AGAP1: variants seen among roughly 807,000 people sequenced by gnomAD.
AGAP1 encodes the protein ArfGAP with GTPase domain, ankyrin repeat and PH domain 1, also known as arf-GAP with GTPase, ANK repeat and PH domain-containing protein 1.
A neutral mutation model predicts 105.3 loss-of-function variants in AGAP1; 29 were observed. The ratio of observed to expected loss-of-function variants is 0.28; its 90% CI spans 0.21 to 0.38. AGAP1 has a LOEUF of 0.38. Among genes scored for constraint, AGAP1 ranks in the 10% least tolerant of loss-of-function variants. The probability of loss-of-function intolerance (pLI) is 1.00; values close to 1 mark genes in which losing one functional copy is unlikely to be tolerated. For missense variants in AGAP1, 998 were observed against 1,165.1 expected (o/e 0.86, Z 2.09); for synonymous variants, 509 against 485.9 (o/e 1.05, Z -0.63).
Position 235,620,060 on chromosome 2 carries a change from A to G in AGAP1, c.164-89119A>G, listed in dbSNP as rs1161952104. ...TGCTGCCTTCCTGGGCCTCTGCAGC[A>G]CCTGCCCTCGGCCCCCAGGGACCTT... is the stretch of plus-strand genomic sequence containing the variant. On this transcript the variant is annotated intron_variant, in intron 1 of 17. Transcript: ENST00000304032. The surrounding 1 kb of genome is among the most constrained non-coding windows in gnomAD (Gnocchi z 4.5). Among the ~76,000 whole-genome samples the G allele has an allele frequency of 2.6e-5, 4 of 152,156 alleles. No individual in the cohort carries two copies. The highest frequency in any genetic ancestry group is 4.4e-5 in the Non-Finnish European group (3 of 67,996).
At chr2:235,570,433 G>C (rs1282755487) in intron 1 of AGAP1, among the ~76,000 whole-genome samples, 4 of 152,226 alleles carry the variant, frequency 2.6e-5, no homozygotes, top group Non-Finnish European at 5.9e-5. Context: ...ATGTGTGAGA[G>C]AGTCCTGCTT....
chr2:236,071,974 G>A (rs1190292008), intron 16 of AGAP1, among the ~76,000 whole-genome samples: 3 of 152,162 alleles, frequency 2.0e-5, no homozygotes, highest in Non-Finnish European at 4.4e-5. Context: ...AAAGACACCG[G>A]ATGACTCTCC....
At chr2:235,583,545 C>G (rs1490130142) in intron 1 of AGAP1, among the ~76,000 whole-genome samples, 1 of 149,962 alleles carries the variant, frequency 6.7e-6, no homozygotes, top group East Asian at 2.0e-4. Context: ...CACCACCATA[C>G]CTGGCTAATT....
rs1307124819 is a variant in AGAP1, at chr2:236,113,809, C to G, written c.2115-6383C>G. ...CAACCTACCCAGTGATTCCTATGTC[C>G]TGTGCTCAGTGCCTGGCTGTCCCTG... On this transcript the variant is annotated intron_variant, in intron 16 of 17. Coordinates refer to ENST00000304032, the MANE Select transcript of AGAP1 (RefSeq NM_001037131.3). This position sits in a 1 kb window ranked among gnomAD's most constrained non-coding sequence, Gnocchi z 4.3. Among the ~76,000 whole-genome samples, 1 of 152,206 alleles carries G rather than the reference C, an allele frequency of 6.6e-6. No homozygotes were observed. The highest frequency in any genetic ancestry group is 1.5e-5 in the Non-Finnish European group (1 of 68,044).
rs1206691010 is a variant in AGAP1 at position 235,642,442 on chromosome 2, G to A, written c.164-66737G>A. 5.9e-5 allele frequency among the ~76,000 whole-genome samples: 9 copies of A among 152,074 alleles called. No homozygotes were observed. In the East Asian group the frequency reaches 1.7e-3, roughly 29 times the overall value. On this transcript the variant is annotated intron_variant, in intron 1 of 17. Transcript: ENST00000304032. This position sits in a 1 kb window ranked among gnomAD's most constrained non-coding sequence, Gnocchi z 4.1. ...GACTGTCCCCAGTAGGTCTATGAGA[G>A]CCCACCACAGCAGCAGCCCTCTGGA...
At position 236,040,611 on chromosome 2, in the gene AGAP1, C is replaced by A; in HGVS notation, c.1801-140C>A. ...CAGTTATGCTCTTTCCCAAAGACATCAAAACAAGAGTGATTGTTTAGAAAT... is the reference window on the plus strand; with the variant it reads ...CAGTTATGCTCTTTCCCAAAGACATAAAAACAAGAGTGATTGTTTAGAAAT... On this transcript the variant is annotated intron_variant, in intron 14 of 17. Transcript: ENST00000304032. This position sits in a 1 kb window ranked among gnomAD's most constrained non-coding sequence, Gnocchi z 5.6. 1 of 378,800 alleles carries A rather than the reference C, an allele frequency of 2.6e-6. No individual in the cohort carries two copies. Among genetic ancestry groups the A allele is most frequent in the Non-Finnish European group, 4.6e-6 (1 of 218,778 alleles). 23.5% of individuals were successfully genotyped at this position (378,800 alleles called of 1,614,324 possible).
Position 236,117,714 on chromosome 2 carries a change from AT to A in AGAP1, c.2115-2475del, listed in dbSNP as rs1335968605. Among the ~76,000 whole-genome samples, 33 of 152,238 alleles carry A rather than the reference AT, an allele frequency of 2.2e-4. 1 individual carries two copies. The highest frequency in any genetic ancestry group is 7.7e-4 in the African/African-American group (32 of 41,460). On this transcript the variant is annotated intron_variant, in intron 16 of 17. Coordinates refer to ENST00000304032, the MANE Select transcript of AGAP1 (RefSeq NM_001037131.3). ...GCATCCTTCACCGTCATCCCTTTTC[AT>A]TTAATTGACGTTTTGCTCCTTCTCT...
At position 235,889,757 on chromosome 2, in the gene AGAP1, A is replaced by G. The variant is rs886586627; in HGVS notation, c.1155+6308A>G. On this transcript the variant is annotated intron_variant, in intron 10 of 17. Transcript: ENST00000304032. This position sits in a 1 kb window ranked among gnomAD's most constrained non-coding sequence, Gnocchi z 4.6. ...CCAGGTCTGTTTCATGTTGTTGAAAACCTCAAACCTTTTTCTTAGGAGAGA... is the reference window on the plus strand; with the variant it reads ...CCAGGTCTGTTTCATGTTGTTGAAAGCCTCAAACCTTTTTCTTAGGAGAGA... Among the ~76,000 whole-genome samples, 6 of 152,038 alleles carry G rather than the reference A, an allele frequency of 3.9e-5. No individual in the cohort carries two copies. Among genetic ancestry groups the G allele is most frequent in the African/African-American group, 1.4e-4 (6 of 41,396 alleles).
chr2:235,525,723 T>C (rs112182694), intron 1 of AGAP1, among the ~76,000 whole-genome samples: 4 of 58,212 alleles, frequency 6.9e-5, no homozygotes, highest in African/African-American at 7.4e-5. Context: ...TGATACATAA[T>C]GTGGAGGACT....
At chr2:235,545,670 G>A (rs554125834) in intron 1 of AGAP1, among the ~76,000 whole-genome samples, 2 of 152,162 alleles carry the variant, frequency 1.3e-5, no homozygotes, top group Non-Finnish European at 2.9e-5. Context: ...AAATCAACAC[G>A]TATTGCCCCT....
At position 236,044,059 on chromosome 2, in the gene AGAP1, G is replaced by A. The variant is rs1576155188; in HGVS notation, c.1891+3218G>A. On this transcript the variant is annotated intron_variant, in intron 15 of 17. Transcript: ENST00000304032. This position sits in a 1 kb window ranked among gnomAD's most constrained non-coding sequence, Gnocchi z 5.7. The stretch of plus-strand genomic sequence containing the variant: ...CACATCCCAGAGCACTGTTTCCAGA[G>A]TGGACGCTGAGCCTCTGGAGCTTTG... Among the ~76,000 whole-genome samples the A allele has an allele frequency of 2.0e-5, 3 of 152,210 alleles. No individual in the cohort carries two copies. Among genetic ancestry groups the A allele is most frequent in the Non-Finnish European group, 2.9e-5 (2 of 68,046 alleles).
At chr2:235,917,458 C>T (rs989293973) in intron 11 of AGAP1, among the ~76,000 whole-genome samples, 1 of 152,174 alleles carries the variant, frequency 6.6e-6, no homozygotes, top group African/African-American at 2.4e-5. Context: ...TTCCTCTCCT[C>T]TTTCTCTCTC....
chr2:236,103,208 C>A lies in AGAP1; in HGVS notation c.2115-16984C>A, dbSNP rs528603695. 1.4e-4 allele frequency among the ~76,000 whole-genome samples: 22 copies of A among 152,310 alleles called. No homozygotes were observed. The South Asian group carries it at 3.5e-3, about 24-fold the overall frequency. ...TGTCCCGTTCCATCCTCCGGCCTCA[C>A]CTCCGCCCACTGCCTCCCAGAAAAA... On this transcript the variant is annotated intron_variant, in intron 16 of 17. Coordinates refer to ENST00000304032, the MANE Select transcript of AGAP1 (RefSeq NM_001037131.3).
At chr2:235,629,863 CAAAA>C (rs10691632) in intron 1 of AGAP1, among the ~76,000 whole-genome samples, 1 of 95,678 alleles carries the variant, frequency 1.0e-5, no homozygotes, top group South Asian at 3.9e-4. Context: ...GACCCTGTCT[CAAAA>C]AAAAAAAAAA....
At position 235,981,355 on chromosome 2, in the gene AGAP1, T is replaced by C. The variant is rs1366626704; in HGVS notation, c.1645+12732T>C. On this transcript the variant is annotated intron_variant, in intron 13 of 17. Coordinates refer to ENST00000304032, the MANE Select transcript of AGAP1 (RefSeq NM_001037131.3). This position sits in a 1 kb window ranked among gnomAD's most constrained non-coding sequence, Gnocchi z 5.5. ...AGGTAGGAATGATTTTCCCCTTCAG[T>C]TGGTTTTCTGCAGAAGCCATGATAT... Among the ~76,000 whole-genome samples, 1 of 152,152 alleles carries C rather than the reference T, an allele frequency of 6.6e-6. No individual in the cohort carries two copies. The highest frequency in any genetic ancestry group is 1.5e-5 in the Non-Finnish European group (1 of 68,024).
Position 235,894,616 on chromosome 2 carries a change from A to AACAC in AGAP1, c.1155+11170_1155+11171insCACA, listed in dbSNP as rs2050711241. On this transcript the variant is annotated intron_variant, in intron 10 of 17. Transcript: ENST00000304032. ...ACACACACACATACACACACACTTA[A>AACAC]ACATACACATGCACATGTACACACA... 2.6e-5 allele frequency among the ~76,000 whole-genome samples: 4 copies of AACAC among 151,164 alleles called. No homozygotes were observed. In the South Asian group the frequency reaches 8.3e-4, roughly 32 times the overall value.
chr2:235,895,623 C>T (rs990154596), intron 10 of AGAP1, among the ~76,000 whole-genome samples: 12 of 152,134 alleles, frequency 7.9e-5, no homozygotes, highest in Non-Finnish European at 1.5e-5. Flanking sequence ...TCTGATTCTC[C>T]CACAAGACTG....
intron 1 of AGAP1, among the ~76,000 whole-genome samples, chr2:235,564,758 G>T (rs1340482800): frequency 7.1e-6 from 1 of 140,044 alleles, no homozygotes; most frequent in Non-Finnish European, 1.5e-5. Context: ...CCAGGGCCAG[G>T]TGTGAGCCTG....
At chr2:236,021,311 C>T (rs1462183037) in intron 13 of AGAP1, among the ~76,000 whole-genome samples, 4 of 152,036 alleles carry the variant, frequency 2.6e-5, no homozygotes, top group African/African-American at 4.8e-5. Flanking sequence ...TCTTGGGTAT[C>T]AATCACCTCA....
Sources: allele counts gnomAD v4.1 joint callset (sites outside exome capture counted in the v4.1 genomes callset), GRCh38; gene constraint gnomAD v4.1.1; non-coding constraint Gnocchi (gnomAD v3.1); transcripts MANE v1.5; gene names NCBI Gene and HGNC (gene_info 2026-07-23, HGNC 2026-07-21).